The following RGS9 variants were observed in gnomAD, a reference collection of about 807,000 sequenced individuals.
The protein encoded by RGS9 is regulator of G-protein signalling 9.
A neutral mutation model predicts 102.0 loss-of-function variants in RGS9; 78 were observed. The ratio of observed to expected loss-of-function variants is 0.76; its 90% confidence interval spans 0.64 to 0.92. RGS9 has a LOEUF of 0.92. Ranked by LOEUF, RGS9 falls within the 40% of genes least tolerant of loss-of-function variation. The pLI, the probability that RGS9 is intolerant of heterozygous loss-of-function variation, is 0.00. For synonymous variants in RGS9, 353 were observed against 318.6 expected (o/e 1.11, Z -1.15); for missense variants, 833 against 866.1 (o/e 0.96, Z 0.48).
At chr17:65,170,690 T>G (rs1313091877) in intron 8 of RGS9, among the ~76,000 whole-genome samples, 1 of 152,174 alleles carries the variant, frequency 6.6e-6, no homozygotes, top group Non-Finnish European at 1.5e-5. Context: ...TGGTCCTTCT[T>G]TGACAGCACT....
intron 8 of RGS9, among the ~76,000 whole-genome samples, chr17:65,169,828 C>A (rs143183628): frequency 1.9e-3 from 282 of 152,146 alleles, no homozygotes; most frequent in Middle Eastern, 3.4e-3. Context: ...CTGCCTCCCC[C>A]CCAGCCCATC....
chr17:65,204,074 G>T (rs548865128), intron 14 of RGS9, 89 bp from the exon 15 acceptor site: 1 of 1,500,416 alleles, frequency 6.7e-7, no homozygotes, highest in Non-Finnish European at 9.2e-7. Context: ...TAACCGATTC[G>T]TATCAGTCCT....
chr17:65,206,040 T>C (rs564168120), intron 15 of RGS9, among the ~76,000 whole-genome samples: 216 of 152,308 alleles, frequency 1.4e-3, no homozygotes, highest in African/African-American at 4.6e-3. Context: ...CTATGTGATA[T>C]AGGCTGTGTG....
chr17:65,216,737 A>T (rs1431862597), intron 17 of RGS9, among the ~76,000 whole-genome samples: 2 of 152,220 alleles, frequency 1.3e-5, no homozygotes, highest in Admixed American at 6.5e-5. Flanking sequence ...TTTCTAATCC[A>T]TTCCTGTTCT....
rs375861293 is a variant in RGS9 at position 65,225,457 on chromosome 17, G to A, written c.1863G>A (p.Leu621=). The A allele has an allele frequency of 7.5e-6, 12 of 1,605,092 alleles. No individual in the cohort carries two copies. Among genetic ancestry groups the A allele is most frequent in the Non-Finnish European group, 1.0e-5 (12 of 1,180,002 alleles). ...VQPLGDVGQQ[L]PRLKSKRVAN... is the part of the protein sequence containing the mutation. ...CCCTGGGGGACGTGGGCCAGCAGCT[G>A]CCACGATTGAAATCCAAGAGAGTAG... Residue 621 remains leucine (L), a synonymous_variant, in exon 18 of 19, where the codon CTG becomes CTA. Coordinates refer to ENST00000262406, the MANE Select transcript of RGS9 (RefSeq NM_003835.4).
rs762875540 is a variant in RGS9 at position 65,160,533 on chromosome 17, C to T, written c.313-3C>T. 6.8e-6 allele frequency: 11 copies of T among 1,614,068 alleles called. No individual in the cohort carries two copies. Among genetic ancestry groups the T allele is most frequent in the Non-Finnish European group, 9.3e-6 (11 of 1,180,010 alleles). ...AGCGTGGTTTCCCTGGTTTCTTTTGCAGACACCGTATTTCTGGCCCACCCA... is the reference window on the plus strand; with the variant it reads ...AGCGTGGTTTCCCTGGTTTCTTTTGTAGACACCGTATTTCTGGCCCACCCA... On this transcript the variant is annotated splice_polypyrimidine_tract_variant and splice_region_variant and intron_variant, in intron 4 of 18. Coordinates refer to ENST00000262406, the MANE Select transcript of RGS9 (RefSeq NM_003835.4).
intron 11 of RGS9, among the ~76,000 whole-genome samples, chr17:65,191,794 G>C (rs1912378566): frequency 6.6e-6 from 1 of 152,098 alleles, no homozygotes; most frequent in South Asian, 2.1e-4. Context: ...AGAGAGTCTC[G>C]GGAGAGAATA....
chr17:65,151,562 AC>A (rs1910582731), intron 1 of RGS9, among the ~76,000 whole-genome samples: 1 of 152,052 alleles, frequency 6.6e-6, no homozygotes, highest in African/African-American at 2.4e-5. Context: ...CATATCTCTG[AC>A]CCTGTCTCTT....
chr17:65,160,614 T>C, intron 5 of RGS9, 27 bp downstream of exon 5: 1 of 1,611,516 alleles, frequency 6.2e-7, no homozygotes, highest in Non-Finnish European at 8.5e-7. Context: ...CAACTATGCC[T>C]TTGGTAGTGC....
At chr17:65,184,505 C>T (rs1267714609) in intron 9 of RGS9, among the ~76,000 whole-genome samples, 7 of 152,082 alleles carry the variant, frequency 4.6e-5, no homozygotes, top group South Asian at 2.1e-4. Context: ...TGTCTATTAT[C>T]GCATTTAGTC....
chr17:65,186,493 G>A (rs543485768), intron 9 of RGS9, among the ~76,000 whole-genome samples: 11 of 152,144 alleles, frequency 7.2e-5, no homozygotes, highest in South Asian at 2.1e-4. Flanking sequence ...GTGAGCCACC[G>A]AACCCGGCCT....
intron 8 of RGS9, among the ~76,000 whole-genome samples, chr17:65,172,210 G>GT (rs1255484658): frequency 6.6e-6 from 1 of 152,154 alleles, no homozygotes; most frequent in Non-Finnish European, 1.5e-5. Context: ...TTTTTTGTTT[G>GT]TTTGTTGTTT....
intron 8 of RGS9, among the ~76,000 whole-genome samples, chr17:65,176,033 G>T (rs938555717): frequency 6.6e-6 from 1 of 152,224 alleles, no homozygotes; most frequent in African/African-American, 2.4e-5. Flanking sequence ...GGATGAGGCT[G>T]AATTTGATGG....
At chr17:65,177,686 G>T (rs1172154914) in intron 8 of RGS9, 46 bp from the exon 9 acceptor site, 1 of 1,558,256 alleles carries the variant, frequency 6.4e-7, no homozygotes. Context: ...ACCAGAAACT[G>T]GAGACTCTCC....
chr17:65,140,752 G>A (rs574804023), intron 1 of RGS9, among the ~76,000 whole-genome samples: 14 of 152,268 alleles, frequency 9.2e-5, no homozygotes, highest in Admixed American at 3.9e-4. Flanking sequence ...GTGAGCACCT[G>A]TAATCCCAGC....
At chr17:65,171,157 C>T (rs924506491) in intron 8 of RGS9, among the ~76,000 whole-genome samples, 4 of 152,130 alleles carry the variant, frequency 2.6e-5, no homozygotes, top group African/African-American at 4.8e-5. Flanking sequence ...GTTACTGAAC[C>T]GACTCATTCA....
intron 3 of RGS9, chr17:65,158,554 T>A: frequency 1.6e-6 from 1 of 641,016 alleles, no homozygotes; most frequent in East Asian, 2.8e-5. Flanking sequence ...ATTTAGAGCA[T>A]AAATAACAGG....
chr17:65,157,852 T>G (rs1205473320), intron 2 of RGS9, among the ~76,000 whole-genome samples: 1 of 152,112 alleles, frequency 6.6e-6, no homozygotes, highest in African/African-American at 2.4e-5. Flanking sequence ...TCTGTTTTAC[T>G]CCCAGAGTCC....
At chr17:65,152,314 A>G (rs1433026474) in intron 1 of RGS9, among the ~76,000 whole-genome samples, 1 of 152,086 alleles carries the variant, frequency 6.6e-6, no homozygotes. Context: ...GATCAGAGGG[A>G]GCCGGTGGGG....
Sources: gnomAD v4.1 joint callset for allele counts (sites outside exome capture counted in the v4.1 genomes callset) on GRCh38, gnomAD v4.1.1 for gene constraint, MANE v1.5 for transcripts, NCBI Gene and HGNC (gene_info 2026-07-23, HGNC 2026-07-21) for gene names.